FBXO4: variants seen among roughly 807,000 people sequenced by gnomAD.
The protein encoded by FBXO4 is F-box only protein 4.
Under a neutral mutation model 43.7 loss-of-function variants are expected in FBXO4, and 36 were observed. The observed-to-expected ratio is 0.82, with a 90% CI of 0.63 to 1.09. The LOEUF (loss-of-function observed/expected upper bound fraction) is 1.09, where lower values mean the gene tolerates loss of function less well. Ranked by LOEUF, FBXO4 falls within the 50% of genes least tolerant of loss-of-function variation. The pLI is 0.00. For synonymous variants in FBXO4, 180 were observed against 165.6 expected, an observed-to-expected ratio of 1.09 and a Z score of -0.67; for missense variants, 435 against 474.1, an observed-to-expected ratio of 0.92 and a Z score of 0.77.
the FBXO4 span, among the ~76,000 whole-genome samples, chr5:42,005,003 G>A: frequency 6.6e-6 from 1 of 152,164 alleles, no homozygotes; most frequent in African/African-American, 2.4e-5. Flanking sequence ...TTAGCAAATT[G>A]CCTGAAACAA....
chr5:41,964,607 T>TC, the FBXO4 span, among the ~76,000 whole-genome samples: 15 of 151,282 alleles, frequency 9.9e-5, no homozygotes, highest in Admixed American at 6.0e-4. Context: ...TTTTTTTTTT[T>TC]CAAAAATAGA....
chr5:41,994,200 C>T, the FBXO4 span, among the ~76,000 whole-genome samples: 7 of 152,248 alleles, frequency 4.6e-5, no homozygotes, highest in African/African-American at 1.7e-4. Flanking sequence ...AAACAAAATG[C>T]TATTACATAA....
the FBXO4 span, among the ~76,000 whole-genome samples, chr5:41,961,169 T>C: frequency 1.3e-5 from 2 of 152,182 alleles, no homozygotes. Flanking sequence ...CATCCCTGTC[T>C]GCTGAGGTCA....
the FBXO4 span, among the ~76,000 whole-genome samples, chr5:41,999,546 T>C: frequency 3.8e-3 from 280 of 73,564 alleles, 4 homozygotes; most frequent in African/African-American, 0.021. Context: ...CATATATATG[T>C]ATATATATAT....
the FBXO4 span, among the ~76,000 whole-genome samples, chr5:42,034,116 G>A: frequency 6.6e-6 from 1 of 151,220 alleles, no homozygotes; most frequent in Non-Finnish European, 1.5e-5. Context: ...AATGATCAGT[G>A]ATGTTAAGCT....
the FBXO4 span, among the ~76,000 whole-genome samples, chr5:42,030,791 G>A: frequency 6.6e-6 from 1 of 152,052 alleles, no homozygotes; most frequent in Admixed American, 6.6e-5. Flanking sequence ...TCAAAAAGTG[G>A]GTGAGGGATA....
At chr5:41,939,326 T>A (rs1427834106) in intron 5 of FBXO4, 115 bp from the exon 6 acceptor site, 1 of 905,710 alleles carries the variant, frequency 1.1e-6, no homozygotes, top group Non-Finnish European at 1.6e-6. Context: ...TTTCCCTCAG[T>A]TTATGTTTGG....
At chr5:41,930,492 C>T (rs888414573) in intron 3 of FBXO4, among the ~76,000 whole-genome samples, 2 of 152,080 alleles carry the variant, frequency 1.3e-5, no homozygotes, top group African/African-American at 2.4e-5. Flanking sequence ...GACAAGTGTA[C>T]AGATAACTAG....
At chr5:41,963,883 T>G in the FBXO4 span, 1 of 152,192 alleles carries the variant, frequency 6.6e-6, no homozygotes, top group African/African-American at 2.4e-5. Context: ...GCTAGTCAAC[T>G]GAAGCAGTGA....
chr5:42,010,235 C>T, the FBXO4 span, among the ~76,000 whole-genome samples: 2 of 152,056 alleles, frequency 1.3e-5, no homozygotes, highest in South Asian at 2.1e-4. Context: ...TGCGGTGGCT[C>T]ACGCCTGTAA....
At chr5:41,951,892 C>A in the FBXO4 span, 1 of 254,514 alleles carries the variant, frequency 3.9e-6, no homozygotes, top group South Asian at 5.2e-5. Context: ...AGGAAATGAT[C>A]ATCAACAGGA....
the FBXO4 span, among the ~76,000 whole-genome samples, chr5:41,958,003 T>G: frequency 6.6e-6 from 1 of 152,146 alleles, no homozygotes; most frequent in African/African-American, 2.4e-5. Flanking sequence ...TATATGCTTA[T>G]GGGGCACAAT....
chr5:41,970,053 T>C, the FBXO4 span, among the ~76,000 whole-genome samples: 1 of 152,130 alleles, frequency 6.6e-6, no homozygotes, highest in Non-Finnish European at 1.5e-5. Flanking sequence ...GGTTGTTATA[T>C]ATAGGCATTT....
the FBXO4 span, among the ~76,000 whole-genome samples, chr5:41,960,734 C>A: frequency 2.6e-5 from 4 of 152,042 alleles, no homozygotes; most frequent in African/African-American, 4.8e-5. Context: ...TGTTCAGCTC[C>A]AGAATTTCTG....
At chr5:42,023,859 C>G in the FBXO4 span, among the ~76,000 whole-genome samples, 2 of 151,914 alleles carry the variant, frequency 1.3e-5, no homozygotes, top group African/African-American at 4.8e-5. Flanking sequence ...AAGAATTTAT[C>G]AGTTCCCATT....
chr5:42,004,713 A>G, the FBXO4 span, among the ~76,000 whole-genome samples: 3 of 152,320 alleles, frequency 2.0e-5, no homozygotes, highest in East Asian at 3.9e-4. Context: ...TCTTGATTCC[A>G]GTTCAATTTC....
chr5:42,007,667 T>A, the FBXO4 span, among the ~76,000 whole-genome samples: 2 of 152,260 alleles, frequency 1.3e-5, no homozygotes, highest in Non-Finnish European at 2.9e-5. Flanking sequence ...CTAGAGCTAA[T>A]AAACGTTTGA....
intron 6 of FBXO4, 68 bp downstream of exon 6, chr5:41,939,684 T>A (rs1352767752): frequency 7.7e-7 from 1 of 1,298,300 alleles, no homozygotes; most frequent in Non-Finnish European, 1.0e-6. Flanking sequence ...GATTTTATTT[T>A]TTAAATTCAT....
At chr5:42,020,155 C>T in the FBXO4 span, among the ~76,000 whole-genome samples, 1 of 151,926 alleles carries the variant, frequency 6.6e-6, no homozygotes, top group South Asian at 2.1e-4. Context: ...AGAAATAGTG[C>T]CCCCAATATT....
Sources: gnomAD v4.1 joint callset for allele counts (sites outside exome capture counted in the v4.1 genomes callset) on GRCh38, gnomAD v4.1.1 for gene constraint, MANE v1.5 for transcripts, NCBI Gene and HGNC (gene_info 2026-07-23, HGNC 2026-07-21) for gene names.